PCDHA13: variants seen among roughly 807,000 people sequenced by gnomAD.
PCDHA13 encodes protocadherin alpha-13.
A neutral mutation model predicts 64.8 loss-of-function variants in PCDHA13; 54 were observed. The observed-to-expected ratio is 0.83, with a 90% CI of 0.67 to 1.04. The LOEUF (loss-of-function observed/expected upper bound fraction) is 1.04. Ranked by LOEUF, PCDHA13 falls within the 50% of genes least tolerant of loss-of-function variation. The probability of loss-of-function intolerance (pLI) is 0.00; values close to 1 mark genes in which losing one functional copy is unlikely to be tolerated. For missense variants in PCDHA13, 1,248 were observed against 1,254.3 expected (o/e 0.99, Z 0.08); for synonymous variants, 587 against 564.4 (o/e 1.04, Z -0.57).
At chr5:141,007,712 A>G (rs2098342161) in intron 3 of PCDHA13, among the ~76,000 whole-genome samples, 1 of 152,170 alleles carries the variant, frequency 6.6e-6, no homozygotes, top group Non-Finnish European at 1.5e-5. Context: ...GCCTCCCACC[A>G]CCAGGGAGAA....
chr5:140,900,312 T>C (rs902600593), intron 1 of PCDHA13, among the ~76,000 whole-genome samples: 1 of 151,284 alleles, frequency 6.6e-6, no homozygotes, highest in African/African-American at 2.4e-5. Flanking sequence ...AGTCTCACTT[T>C]TGTCGCCCAG....
chr5:140,902,822 C>T (rs1239042138), intron 1 of PCDHA13, among the ~76,000 whole-genome samples: 4 of 151,576 alleles, frequency 2.6e-5, no homozygotes, highest in Admixed American at 2.0e-4. Context: ...ATTTGGTTTT[C>T]GATTTCTGAG....
chr5:140,961,465 T>C (rs2095614873), intron 1 of PCDHA13, among the ~76,000 whole-genome samples: 2 of 152,218 alleles, frequency 1.3e-5, no homozygotes, highest in Admixed American at 1.3e-4. Context: ...GCTGCCTTTC[T>C]TTTTTTGTCT....
chr5:141,000,417 A>ATTTT (rs1563652061), intron 3 of PCDHA13, among the ~76,000 whole-genome samples: 4 of 77,746 alleles, frequency 5.1e-5, no homozygotes, highest in African/African-American at 1.1e-4. Flanking sequence ...ATATATATAT[A>ATTTT]TATATTTTTT....
chr5:141,007,683 A>G (rs576789056), intron 3 of PCDHA13, among the ~76,000 whole-genome samples: 1 of 152,268 alleles, frequency 6.6e-6, no homozygotes, highest in African/African-American at 2.4e-5. Context: ...AAGTTATCCT[A>G]CTTCCACCTC....
intron 3 of PCDHA13, among the ~76,000 whole-genome samples, chr5:140,991,302 T>C (rs2097443703): frequency 6.6e-6 from 1 of 152,204 alleles, no homozygotes; most frequent in African/African-American, 2.4e-5. Flanking sequence ...ATTACTATTA[T>C]CTTGTCCCGC....
At chr5:140,954,722 G>A (rs1554221565) in intron 1 of PCDHA13, among the ~76,000 whole-genome samples, 1 of 152,092 alleles carries the variant, frequency 6.6e-6, no homozygotes, top group African/African-American at 2.4e-5. Context: ...TCTGTAGGTT[G>A]TCTTTTCACT....
At chr5:140,956,454 A>G (rs1276644004) in intron 1 of PCDHA13, among the ~76,000 whole-genome samples, 1 of 152,212 alleles carries the variant, frequency 6.6e-6, no homozygotes, top group African/African-American at 2.4e-5. Flanking sequence ...AATTACATTT[A>G]TTGATTTGCA....
intron 1 of PCDHA13, among the ~76,000 whole-genome samples, chr5:140,899,128 T>A (rs1217010779): frequency 3.9e-5 from 6 of 152,160 alleles, no homozygotes; most frequent in Non-Finnish European, 7.3e-5. Context: ...CAATCATGTC[T>A]TCTGCAAACA....
chr5:140,958,265 C>A (rs1010851166), intron 1 of PCDHA13, among the ~76,000 whole-genome samples: 1 of 151,680 alleles, frequency 6.6e-6, no homozygotes, highest in Admixed American at 6.6e-5. Flanking sequence ...TAATTTGGTA[C>A]AAGAAGTATA....
At chr5:140,986,181 G>A (rs531382269) in intron 3 of PCDHA13, among the ~76,000 whole-genome samples, 1 of 152,152 alleles carries the variant, frequency 6.6e-6, no homozygotes, top group Admixed American at 6.6e-5. Flanking sequence ...AACAAGTCAG[G>A]CATTAAATTG....
rs1197657289 is a variant in PCDHA13 at position 140,900,491 on chromosome 5, G to A, written c.2394+15829G>A. Among the ~76,000 whole-genome samples the A allele has an allele frequency of 2.6e-5, 4 of 152,160 alleles. No homozygotes were observed. The East Asian group carries it at 7.7e-4, about 29-fold the overall frequency. On this transcript the variant is annotated intron_variant, in intron 1 of 3. Transcript: ENST00000289272. ...GGAGTTTCTCCATGTTGGTCAGACT[G>A]GTCTCAAATTCCCAGCCTCAGGTGA...
chr5:140,943,529 A>C (rs1291911076), intron 1 of PCDHA13, among the ~76,000 whole-genome samples: 1 of 152,220 alleles, frequency 6.6e-6, no homozygotes, highest in Non-Finnish European at 1.5e-5. Flanking sequence ...TCAGTATGCA[A>C]AATGTCATGT....
rs112848471 is a variant in PCDHA13, at chr5:140,995,109, C to G, written c.2542+12546C>G. ...TATCTGTGGAGATACATTCCAAGAC[C>G]CTCAGTGGATGCCTGAAACCTCATT... On this transcript the variant is annotated intron_variant, in intron 3 of 3. Transcript: ENST00000289272. Among the ~76,000 whole-genome samples, 792 of 152,268 alleles carry G rather than the reference C, an allele frequency of 5.2e-3. 8 individuals are homozygous for G. Among genetic ancestry groups the G allele is most frequent in the African/African-American group, 0.019 (770 of 41,540 alleles).
rs182357788 is a variant in PCDHA13, at chr5:140,944,436, C to T, written c.2395-34513C>T. Among the ~76,000 whole-genome samples, 220 of 152,278 alleles carry T rather than the reference C, an allele frequency of 1.4e-3. 1 individual carries two copies. Among genetic ancestry groups the T allele is most frequent in the African/African-American group, 4.9e-3 (204 of 41,560 alleles). The stretch of plus-strand genomic sequence containing the variant: ...TCCTGATCTGAAGTGGTCTGCCTGC[C>T]TCGGCCTCCCAAAGTGCTGGGATTA... On this transcript the variant is annotated intron_variant, in intron 1 of 3. Coordinates refer to ENST00000289272, the MANE Select transcript of PCDHA13 (RefSeq NM_018904.3).
At chr5:140,962,719 T>G (rs928199903) in intron 1 of PCDHA13, among the ~76,000 whole-genome samples, 1 of 152,224 alleles carries the variant, frequency 6.6e-6, no homozygotes, top group Non-Finnish European at 1.5e-5. Flanking sequence ...TTGGAAAGTA[T>G]TTTCCTTCTG....
intron 1 of PCDHA13, chr5:140,927,773 A>C (rs143568645): frequency 6.2e-7 from 1 of 1,614,078 alleles, no homozygotes; most frequent in Non-Finnish European, 8.5e-7. Flanking sequence ...GGGGAGGTGC[A>C]AGTAGCTGCT....
intron 1 of PCDHA13, among the ~76,000 whole-genome samples, chr5:140,911,327 C>T (rs2153517846): frequency 6.6e-6 from 1 of 152,324 alleles, no homozygotes; most frequent in South Asian, 2.1e-4. Context: ...GGATCCCATT[C>T]TTTTCCAATC....
rs1554213921 is a variant in PCDHA13 at position 140,941,202 on chromosome 5, C to CTTTCTTTCTTTCTTTCTTT, written c.2395-37747_2395-37746insTTTCTTTCTTTCTTTCTTT. ...TCCTGCTTCTTTTTTTTTCTTTCTT[C>CTTTCTTTCTTTCTTTCTTT]CTTTCTTTCTTCCTTTCTTTCTTTC... On this transcript the variant is annotated intron_variant, in intron 1 of 3. Coordinates refer to ENST00000289272, the MANE Select transcript of PCDHA13 (RefSeq NM_018904.3). Among the ~76,000 whole-genome samples the CTTTCTTTCTTTCTTTCTTT allele has an allele frequency of 8.2e-4, 101 of 122,784 alleles. 3 individuals carry two copies. Among genetic ancestry groups the CTTTCTTTCTTTCTTTCTTT allele is most frequent in the East Asian group, 3.5e-3 (16 of 4,514 alleles). The allele number at this position is 122,784 out of a possible 152,430, so 80.6% of individuals were successfully genotyped here. A position where few individuals can be genotyped will look rare whatever the true frequency, so the allele number is the denominator to read the frequency against.
Sources: allele counts gnomAD v4.1 joint callset (sites outside exome capture counted in the v4.1 genomes callset), GRCh38; gene constraint gnomAD v4.1.1; transcripts MANE v1.5; gene names NCBI Gene and HGNC (gene_info 2026-07-23, HGNC 2026-07-21).